Variants in ALOX5 observed in about 807,000 individuals in gnomAD.
The protein encoded by ALOX5 is polyunsaturated fatty acid 5-lipoxygenase.
Under a neutral mutation model 87.9 loss-of-function variants are expected in ALOX5, and 64 were observed. The ratio of observed to expected loss-of-function variants is 0.73; its 90% CI spans 0.60 to 0.90. ALOX5 has a LOEUF of 0.90. ALOX5 is among the 40% of genes least tolerant of loss of function. The probability of loss-of-function intolerance (pLI) is 0.00; values close to 1 mark genes in which losing one functional copy is unlikely to be tolerated. For synonymous variants in ALOX5, 388 were observed against 355.1 expected (o/e 1.09, Z -1.04); for missense variants, 822 against 907.5 (o/e 0.91, Z 1.21).
intron 4 of ALOX5, among the ~76,000 whole-genome samples, chr10:45,413,312 T>C (rs7075620): frequency 0.68 from 103,102 of 152,040 alleles, 35,747 homozygotes; most frequent in East Asian, 0.86. Flanking sequence ...AAATGTAATC[T>C]AGCATATAAA....
rs79814535 is a variant in ALOX5 at position 45,422,645 on chromosome 10, C to T, written c.555-1396C>T. Among the ~76,000 whole-genome samples, 685 of 152,292 alleles carry T rather than the reference C, an allele frequency of 4.5e-3. 14 individuals carry two copies. In the East Asian group the frequency reaches 0.059, roughly 13 times the overall value. Reference sequence around the variant, plus strand: ...AGGGCAGCAGGCATAGATTCATACACGTGAGTTTGCACTTAAGCTGCAGTA... The same window carrying T: ...AGGGCAGCAGGCATAGATTCATACATGTGAGTTTGCACTTAAGCTGCAGTA... On this transcript the variant is annotated intron_variant, in intron 4 of 13. Coordinates refer to ENST00000374391, the MANE Select transcript of ALOX5 (RefSeq NM_000698.5).
At chr10:45,374,738 T>A (rs1839530736) in intron 1 of ALOX5, among the ~76,000 whole-genome samples, 1 of 152,126 alleles carries the variant, frequency 6.6e-6, no homozygotes, top group African/African-American at 2.4e-5. Context: ...GCCCAAGGTT[T>A]CCCCTCCACT....
chr10:45,406,028 C>G (rs751599912), intron 3 of ALOX5, among the ~76,000 whole-genome samples: 1 of 152,180 alleles, frequency 6.6e-6, no homozygotes, highest in Non-Finnish European at 1.5e-5. Context: ...ACCCACGGTA[C>G]AAGCTGGCAT....
intron 4 of ALOX5, among the ~76,000 whole-genome samples, chr10:45,412,848 A>G (rs1339001914): frequency 1.3e-5 from 2 of 152,210 alleles, no homozygotes; most frequent in Non-Finnish European, 1.5e-5. Flanking sequence ...TGGCAGAGAT[A>G]TAGGTTCTGT....
At chr10:45,413,248 T>C (rs1841140338) in intron 4 of ALOX5, among the ~76,000 whole-genome samples, 1 of 152,114 alleles carries the variant, frequency 6.6e-6, no homozygotes, top group Non-Finnish European at 1.5e-5. Flanking sequence ...TCCACCATGA[T>C]CAAGTGGGCT....
At chr10:45,387,836 C>T (rs374394857) in intron 2 of ALOX5, among the ~76,000 whole-genome samples, 196 of 152,244 alleles carry the variant, frequency 1.3e-3, no homozygotes, top group African/African-American at 4.3e-3. Flanking sequence ...CCAAGATGGC[C>T]GAATAGGAAC....
chr10:45,407,422 T>C (rs555245421), intron 3 of ALOX5, among the ~76,000 whole-genome samples: 3 of 151,752 alleles, frequency 2.0e-5, no homozygotes, highest in East Asian at 3.9e-4. Flanking sequence ...CTAGGACTTG[T>C]CATTGAGAAA....
At chr10:45,435,397 C>T (rs573107065) in intron 7 of ALOX5, among the ~76,000 whole-genome samples, 174 of 152,182 alleles carry the variant, frequency 1.1e-3, no homozygotes, top group African/African-American at 3.9e-3. Flanking sequence ...ACCCAATACC[C>T]AGTTTTTCAA....
chr10:45,408,082 C>T (rs1257554543), intron 3 of ALOX5, among the ~76,000 whole-genome samples: 1 of 152,040 alleles, frequency 6.6e-6, no homozygotes, highest in Admixed American at 6.6e-5. Flanking sequence ...TTCACTTCTC[C>T]ATATATTACT....
chr10:45,394,153 C>G (rs976567722), intron 2 of ALOX5, among the ~76,000 whole-genome samples: 4 of 152,174 alleles, frequency 2.6e-5, no homozygotes, highest in Admixed American at 1.3e-4. Context: ...CCAAGACAAT[C>G]CTAAGCCAAA....
intron 3 of ALOX5, among the ~76,000 whole-genome samples, chr10:45,405,894 A>G (rs1185229853): frequency 6.6e-6 from 1 of 152,036 alleles, no homozygotes; most frequent in Non-Finnish European, 1.5e-5. Flanking sequence ...GTGCGCCACC[A>G]TGCCCCACTC....
chr10:45,392,007 G>T (rs1225088744), intron 2 of ALOX5, among the ~76,000 whole-genome samples: 1 of 151,030 alleles, frequency 6.6e-6, no homozygotes, highest in South Asian at 2.1e-4. Context: ...TCAGCCCCCC[G>T]CCCGGCCAGC....
intron 4 of ALOX5, among the ~76,000 whole-genome samples, chr10:45,413,112 T>C (rs759046630): frequency 2.6e-4 from 39 of 152,184 alleles, no homozygotes; most frequent in Non-Finnish European, 4.6e-4. Flanking sequence ...ATCATCCCGA[T>C]ACCAAAGCCT....
In ALOX5 at chr10:45,428,446, C is replaced by T. The variant is rs1347557461; in HGVS notation, c.835-172C>T. The T allele has an allele frequency of 5.0e-6, 4 of 805,618 alleles. No individual in the cohort carries two copies. In the Admixed American group the frequency reaches 8.5e-5, roughly 17 times the overall value. 49.9% of individuals were successfully genotyped at this position (805,618 alleles called of 1,614,324 possible). ...CCGAACTGCCACAACCTGTGAACAC[C>T]TTCCATGTGAATCAATCAGCCTTGG... On this transcript the variant is annotated intron_variant, in intron 6 of 13. Coordinates refer to ENST00000374391, the MANE Select transcript of ALOX5 (RefSeq NM_000698.5).
chr10:45,381,756 C>G (rs965444827), intron 1 of ALOX5, among the ~76,000 whole-genome samples: 1 of 152,268 alleles, frequency 6.6e-6, no homozygotes, highest in Non-Finnish European at 1.5e-5. Context: ...ACTGGATTCT[C>G]TCTCCTCAAG....
chr10:45,423,071 A>G (rs1396900482), intron 4 of ALOX5, among the ~76,000 whole-genome samples: 1 of 152,166 alleles, frequency 6.6e-6, no homozygotes, highest in Non-Finnish European at 1.5e-5. Flanking sequence ...CCATCTCCTA[A>G]TGCCATCACA....
At chr10:45,417,191 C>T (rs1447797514) in intron 4 of ALOX5, among the ~76,000 whole-genome samples, 1 of 152,016 alleles carries the variant, frequency 6.6e-6, no homozygotes, top group African/African-American at 2.4e-5. Context: ...GAGCACCTAT[C>T]CTGTGGTATA....
At chr10:45,402,086 C>CAAAAAAA (rs10649706) in intron 3 of ALOX5, among the ~76,000 whole-genome samples, 1 of 101,126 alleles carries the variant, frequency 9.9e-6, no homozygotes, top group Non-Finnish European at 1.9e-5. Context: ...GACTCCGTCT[C>CAAAAAAA]AAAAAAAAAA....
intron 6 of ALOX5, 187 bp from the exon 7 acceptor site, chr10:45,428,431 A>G (rs1303473376): frequency 1.4e-6 from 1 of 715,364 alleles, no homozygotes; most frequent in African/African-American, 1.8e-5. Context: ...CCGAACTGCC[A>G]CAACCTGTGA....
Sources: gnomAD v4.1 joint callset for allele counts (sites outside exome capture counted in the v4.1 genomes callset) on GRCh38, gnomAD v4.1.1 for gene constraint, MANE v1.5 for transcripts, NCBI Gene and HGNC (gene_info 2026-07-23, HGNC 2026-07-21) for gene names.